RPH3AL: variants seen among roughly 807,000 people sequenced by gnomAD.
RPH3AL encodes the protein rab effector Noc2.
In RPH3AL, 38 loss-of-function variants were observed where a neutral mutation model predicts 43.1. The observed-to-expected ratio is 0.88, with a 90% CI of 0.68 to 1.15. The LOEUF is 1.15. RPH3AL is among the 50% of genes most tolerant of loss of function. The pLI is 0.00. For missense variants in RPH3AL, 462 were observed against 423.2 expected, an observed-to-expected ratio of 1.09 and a Z score of -0.81; for synonymous variants, 189 against 176.3, an observed-to-expected ratio of 1.07 and a Z score of -0.57.
chr17:216,685 A>T (rs572712238), intron 8 of RPH3AL, among the ~76,000 whole-genome samples: 1 of 152,194 alleles, frequency 6.6e-6, no homozygotes, highest in South Asian at 2.1e-4. Flanking sequence ...TTTCTCTAGA[A>T]TCTTCAGCCT....
In RPH3AL at chr17:289,171, G is replaced by T. The variant is rs1214861341; in HGVS notation, c.352-7317C>A. On this transcript the variant is annotated intron_variant, in intron 5 of 9. Transcript: ENST00000331302. This position sits in a 1 kb window ranked among gnomAD's most constrained non-coding sequence, Gnocchi z 5.2. ...CTCATCTGTAAGTTGGTGGTAACAGGCCCCCCCACACCCCAGGTTGCAGAT... is the reference window on the plus strand; with the variant it reads ...CTCATCTGTAAGTTGGTGGTAACAGTCCCCCCCACACCCCAGGTTGCAGAT... Among the ~76,000 whole-genome samples the T allele has an allele frequency of 6.6e-6, 1 of 151,940 alleles. No homozygotes were observed. The highest frequency in any genetic ancestry group is 1.5e-5 in the Non-Finnish European group (1 of 67,986).
At chr17:319,586 T>G (rs2044402532) in intron 4 of RPH3AL, 37 bp from the exon 5 acceptor site, 1 of 1,604,680 alleles carries the variant, frequency 6.2e-7, no homozygotes, top group African/African-American at 1.3e-5. Flanking sequence ...GGACTGTGCT[T>G]CCTGCCTGGG....
intron 5 of RPH3AL, among the ~76,000 whole-genome samples, chr17:309,192 G>A (rs532831580): frequency 5.3e-5 from 8 of 152,312 alleles, no homozygotes; most frequent in African/African-American, 1.9e-4. Flanking sequence ...CTCCTAGGGA[G>A]GCCGAGGTGG....
At chr17:222,015 A>G (rs868308634) in intron 7 of RPH3AL, among the ~76,000 whole-genome samples, 34 of 146,674 alleles carry the variant, frequency 2.3e-4, no homozygotes, top group Admixed American at 4.0e-4. Flanking sequence ...CACTGAGACA[A>G]TAGACCCAAG....
At chr17:287,005 GTCAGACCTCA>G (rs2042936128) in intron 5 of RPH3AL, among the ~76,000 whole-genome samples, 2 of 56,080 alleles carry the variant, frequency 3.6e-5, no homozygotes, top group Non-Finnish European at 7.1e-5. Context: ...TCTCTCCACC[GTCAGACCTCA>G]CACCCTCTCT....
At chr17:315,301 G>A (rs1555519755) in intron 5 of RPH3AL, among the ~76,000 whole-genome samples, 105 of 141,560 alleles carry the variant, frequency 7.4e-4, no homozygotes, top group African/African-American at 2.9e-3. Flanking sequence ...CACCTCCAGT[G>A]ACCTGTAGTC....
At position 331,383 on chromosome 17, in the gene RPH3AL, G is replaced by A. The variant is rs1465719927; in HGVS notation, c.-37+2376C>T. ...GCGCCAGGGCAGGTTCATCACTGAT[G>A]GCAAGTCTGTGGCTGACCACGTTCA... is the stretch of plus-strand genomic sequence containing the variant. On this transcript the variant is annotated intron_variant, in intron 2 of 9. Transcript: ENST00000331302. The A allele has an allele frequency of 1.6e-5, 4 of 246,348 alleles. No homozygotes were observed. In the East Asian group the frequency reaches 4.9e-4, roughly 30 times the overall value. 15.3% of individuals were successfully genotyped at this position (246,348 alleles called of 1,614,324 possible).
At chr17:266,146 C>A (rs932258803) in intron 6 of RPH3AL, among the ~76,000 whole-genome samples, 2 of 152,184 alleles carry the variant, frequency 1.3e-5, no homozygotes, top group Non-Finnish European at 2.9e-5. Flanking sequence ...AAGTGAGACC[C>A]CTTCCAGGAG....
chr17:273,060 A>G (rs1014733597), intron 6 of RPH3AL, among the ~76,000 whole-genome samples: 2,903 of 134,688 alleles, frequency 0.022, 1 homozygote, highest in Non-Finnish European at 0.034. Flanking sequence ...GAGAGACCCC[A>G]GCGAGGGCGA....
In RPH3AL at chr17:268,454, C is replaced by T. The variant is rs565459718; in HGVS notation, c.438+13314G>A. 8.4e-4 allele frequency among the ~76,000 whole-genome samples: 126 copies of T among 150,552 alleles called. 1 individual carries two copies. Among genetic ancestry groups the T allele is most frequent in the Non-Finnish European group, 1.2e-3 (84 of 67,888 alleles). On this transcript the variant is annotated intron_variant, in intron 6 of 9. Transcript: ENST00000331302. ...ATATAATATACAAAATATGTGTTAA[C>T]TGAATGTTTTTTATTGGTAAGTCTT...
Position 291,042 on chromosome 17 carries a change from G to A in RPH3AL, c.352-9188C>T, listed in dbSNP as rs144456700. On this transcript the variant is annotated intron_variant, in intron 5 of 9. Coordinates refer to ENST00000331302, the MANE Select transcript of RPH3AL (RefSeq NM_006987.4). ...GAAACGGGTGAAACTGCCCTCAAAC[G>A]TTGCGTACAAGGAGGCCTGGAAAAC... is the stretch of plus-strand genomic sequence containing the variant. 1.2e-3 allele frequency among the ~76,000 whole-genome samples: 188 copies of A among 152,308 alleles called. 1 individual carries two copies. Among genetic ancestry groups the A allele is most frequent in the South Asian group, 2.1e-3 (10 of 4,826 alleles).
At chr17:227,093 G>A (rs1037742618) in intron 7 of RPH3AL, among the ~76,000 whole-genome samples, 1 of 152,058 alleles carries the variant, frequency 6.6e-6, no homozygotes, top group Non-Finnish European at 1.5e-5. Context: ...CCCCTCCTGG[G>A]CCCCTCCACA....
chr17:252,482 C>T (rs2041930636), intron 6 of RPH3AL, among the ~76,000 whole-genome samples: 1 of 152,132 alleles, frequency 6.6e-6, no homozygotes, highest in African/African-American at 2.4e-5. Flanking sequence ...GTAGATGCAA[C>T]CTGTTCCCAC....
intron 6 of RPH3AL, among the ~76,000 whole-genome samples, chr17:253,127 T>C (rs1199135883): frequency 2.6e-5 from 4 of 152,116 alleles, no homozygotes; most frequent in Non-Finnish European, 4.4e-5. Context: ...CACGGTGGGC[T>C]TGGGGAGAGG....
intron 1 of RPH3AL, chr17:338,553 T>C (rs2045021527): frequency 6.6e-6 from 1 of 152,056 alleles, no homozygotes; most frequent in Admixed American, 6.6e-5. Context: ...GTGACCAGAA[T>C]AATACGTAGG....
At position 344,303 on chromosome 17, in the gene RPH3AL, C is replaced by T. The variant is rs944980011; in HGVS notation, c.-213+8409G>A. ...ATCACTGTCATCTCGGTTACCACCA[C>T]CATCACTATAATCATCACCATCACC... On this transcript the variant is annotated intron_variant, in intron 1 of 9. Transcript: ENST00000331302. Among the ~76,000 whole-genome samples, 285 of 129,224 alleles carry T rather than the reference C, an allele frequency of 2.2e-3. 65 individuals carry two copies. The highest frequency in any genetic ancestry group is 3.7e-3 in the Non-Finnish European group (212 of 57,192). 84.8% of individuals were successfully genotyped at this position (129,224 alleles called of 152,430 possible). A position where few individuals can be genotyped will look rare whatever the true frequency, so the allele number is the denominator to read the frequency against.
intron 7 of RPH3AL, among the ~76,000 whole-genome samples, chr17:235,655 T>G (rs1286212793): frequency 1.4e-4 from 12 of 85,056 alleles, no homozygotes; most frequent in African/African-American, 3.6e-4. Flanking sequence ...GGATCCAGGG[T>G]TCAAAGCTGG....
At position 223,749 on chromosome 17, in the gene RPH3AL, C is replaced by T. The variant is rs1253155208; in HGVS notation, c.614-4013G>A. 8.5e-5 allele frequency among the ~76,000 whole-genome samples: 13 copies of T among 152,344 alleles called. No individual in the cohort carries two copies. The South Asian group carries it at 1.7e-3, about 19-fold the overall frequency. ...TAGATCCAGAGGCTTCTGGAAAAGCCTTCATGGCTCCAGCCTCTGTCACCT... is the reference window on the plus strand; with the variant it reads ...TAGATCCAGAGGCTTCTGGAAAAGCTTTCATGGCTCCAGCCTCTGTCACCT... On this transcript the variant is annotated intron_variant, in intron 7 of 9. Coordinates refer to ENST00000331302, the MANE Select transcript of RPH3AL (RefSeq NM_006987.4).
intron 1 of RPH3AL, among the ~76,000 whole-genome samples, chr17:351,420 C>T (rs995724699): frequency 3.3e-5 from 5 of 152,186 alleles, no homozygotes; most frequent in African/African-American, 1.2e-4. Flanking sequence ...TATAGTCCCA[C>T]ACCTACCCTC....
Sources: gnomAD v4.1 joint callset for allele counts (sites outside exome capture counted in the v4.1 genomes callset) on GRCh38, gnomAD v4.1.1 for gene constraint, Gnocchi (gnomAD v3.1) non-coding constraint, MANE v1.5 for transcripts, NCBI Gene and HGNC (gene_info 2026-07-23, HGNC 2026-07-21) for gene names.